The following HEATR5B variants were observed in gnomAD, a reference collection of about 807,000 sequenced individuals.
HEATR5B encodes HEAT repeat-containing protein 5B.
In HEATR5B, 156 loss-of-function variants were observed where a neutral mutation model predicts 224.1. That is an observed-to-expected ratio of 0.70 (90% CI 0.61 to 0.80). HEATR5B has a LOEUF of 0.80. Among genes scored for constraint, HEATR5B ranks in the 30% least tolerant of loss-of-function variants. HEATR5B has a pLI of 0.00. For missense variants in HEATR5B, 2,323 were observed against 2,535.5 expected, an observed-to-expected ratio of 0.92 and a Z score of 1.80; for synonymous variants, 1,027 against 893.0, an observed-to-expected ratio of 1.15 and a Z score of -2.68.
intron 18 of HEATR5B, among the ~76,000 whole-genome samples, chr2:37,049,274 T>G (rs538054996): frequency 6.6e-6 from 1 of 152,252 alleles, no homozygotes; most frequent in South Asian, 2.1e-4. Context: ...GAATGGCTTA[T>G]TCCAAAAAGT....
intron 21 of HEATR5B, among the ~76,000 whole-genome samples, chr2:37,037,653 T>G (rs1409146256): frequency 6.6e-6 from 1 of 152,172 alleles, no homozygotes; most frequent in Non-Finnish European, 1.5e-5. Context: ...TATGGATTAT[T>G]TATAACACAA....
intron 35 of HEATR5B, among the ~76,000 whole-genome samples, chr2:36,982,889 C>A (rs918656720): frequency 6.6e-6 from 1 of 151,330 alleles, no homozygotes; most frequent in Non-Finnish European, 1.5e-5. Context: ...CACACACACA[C>A]ACACACACAC....
intron 26 of HEATR5B, among the ~76,000 whole-genome samples, chr2:37,017,507 C>T (rs1423050769): frequency 6.7e-6 from 1 of 150,354 alleles, no homozygotes; most frequent in Non-Finnish European, 1.5e-5. Flanking sequence ...CAACATGATG[C>T]AACCCCGTCT....
In HEATR5B at chr2:37,056,472, A is replaced by C. The variant is rs750420588; in HGVS notation, c.2367T>G (p.Gly789=). 1 of 1,610,800 alleles carries C rather than the reference A, an allele frequency of 6.2e-7. No individual in the cohort carries two copies. Among genetic ancestry groups the C allele is most frequent in the Non-Finnish European group, 8.5e-7 (1 of 1,178,844 alleles). ...TATAAGAAACATGAGGAAACACTAC[A>C]CCAAAAAGGGCCACAGAAGCATCAA... is the stretch of plus-strand genomic sequence containing the variant. ...SVIDASVALF[G]VVFPHVSYKH... is the part of the protein sequence containing the mutation. Residue 789 remains glycine (G), a synonymous_variant, in exon 16 of 36, where the codon GGT becomes GGG. Transcript: ENST00000233099.
At chr2:37,016,571 C>T (rs1036498832) in intron 26 of HEATR5B, among the ~76,000 whole-genome samples, 1 of 152,168 alleles carries the variant, frequency 6.6e-6, no homozygotes, top group Non-Finnish European at 1.5e-5. Flanking sequence ...GTATCTGCAA[C>T]AAAATGTATT....
chr2:37,019,733 C>T (rs1668350587), intron 26 of HEATR5B, 76 bp downstream of exon 26: 1 of 1,112,774 alleles, frequency 9.0e-7, no homozygotes, highest in Admixed American at 2.1e-5. Context: ...TTCTCTATTC[C>T]TTTACACAAG....
chr2:37,054,190 C>CTTTTTTTTTTTTTT lies in HEATR5B; in HGVS notation c.2400-584_2400-583insAAAAAAAAAAAAAA, dbSNP rs1242821499. Among the ~76,000 whole-genome samples the CTTTTTTTTTTTTTT allele has an allele frequency of 2.1e-5, 2 of 93,742 alleles. 1 individual carries two copies. The highest frequency in any genetic ancestry group is 9.2e-5 in the African/African-American group (2 of 21,696). 61.5% of individuals were successfully genotyped at this position (93,742 alleles called of 152,430 possible). On this transcript the variant is annotated intron_variant, in intron 16 of 35. Coordinates refer to ENST00000233099, the MANE Select transcript of HEATR5B (RefSeq NM_019024.3). ...TCCATGGCCATCTTAGATGATTTCT[C>CTTTTTTTTTTTTTT]TGTTTTTTTTTTTTTTTTTTTGAGA...
chr2:37,015,397 T>C (rs1668051131), intron 26 of HEATR5B, among the ~76,000 whole-genome samples: 1 of 152,234 alleles, frequency 6.6e-6, no homozygotes, highest in East Asian at 1.9e-4. Context: ...AAGTAATATG[T>C]TAAGTGTCTT....
intron 33 of HEATR5B, among the ~76,000 whole-genome samples, chr2:36,997,068 C>G (rs1666768081): frequency 6.6e-6 from 1 of 152,132 alleles, no homozygotes; most frequent in African/African-American, 2.4e-5. Context: ...TTTCTAAGAA[C>G]TCTTTGTATA....
At position 37,040,405 on chromosome 2, in the gene HEATR5B, A is replaced by C; in HGVS notation, c.2970T>G (p.Pro990=). 6.2e-7 allele frequency: 1 copy of C among 1,614,092 alleles called. No individual in the cohort carries two copies. The highest frequency in any genetic ancestry group is 1.1e-5 in the South Asian group (1 of 91,056). The change falls in exon 20 of 36, where the codon CCT becomes CCG. Residue 990 remains proline (P), a synonymous_variant. Coordinates refer to ENST00000233099, the MANE Select transcript of HEATR5B (RefSeq NM_019024.3). ...AACACTGATGAACTTCTGTATGTGAAGGCGGAACTGTCAACAGCAAGGTAA... is the reference window on the plus strand; with the variant it reads ...AACACTGATGAACTTCTGTATGTGACGGCGGAACTGTCAACAGCAAGGTAA... ...LVLTLLLTVP[P]SHTEVHQCLG...
At chr2:37,025,636 T>A (rs898697441) in intron 24 of HEATR5B, among the ~76,000 whole-genome samples, 1 of 151,164 alleles carries the variant, frequency 6.6e-6, no homozygotes, top group African/African-American at 2.4e-5. Context: ...AGATTACTAA[T>A]GAAGGCAGAA....
At chr2:37,073,537 C>A (rs1672036163) in intron 5 of HEATR5B, among the ~76,000 whole-genome samples, 2 of 151,980 alleles carry the variant, frequency 1.3e-5, no homozygotes, top group Non-Finnish European at 2.9e-5. Flanking sequence ...AGCAACCACG[C>A]CCAGCCTGGA....
chr2:37,043,284 C>G (rs1669990172), intron 18 of HEATR5B, among the ~76,000 whole-genome samples: 1 of 152,164 alleles, frequency 6.6e-6, no homozygotes, highest in Admixed American at 6.5e-5. Flanking sequence ...ACAATCAAAT[C>G]AATAGATACC....
intron 16 of HEATR5B, among the ~76,000 whole-genome samples, chr2:37,053,920 A>C (rs2253629): frequency 0.72 from 108,893 of 151,178 alleles, 39,608 homozygotes; most frequent in South Asian, 0.82. Context: ...GTTTCTTGCA[A>C]AGATAACAAT....
At chr2:37,048,168 A>G (rs1276749719) in intron 18 of HEATR5B, among the ~76,000 whole-genome samples, 1 of 151,930 alleles carries the variant, frequency 6.6e-6, no homozygotes, top group Admixed American at 6.6e-5. Flanking sequence ...ACAGTACCCT[A>G]CAGATATTGA....
chr2:37,051,378 A>AC (rs1670538681), intron 17 of HEATR5B, among the ~76,000 whole-genome samples: 1 of 141,430 alleles, frequency 7.1e-6, no homozygotes, highest in Non-Finnish European at 1.5e-5. Flanking sequence ...AAAAAAAAAA[A>AC]GGTAAAAATA....
At chr2:36,984,179 A>T (rs1665772087) in intron 35 of HEATR5B, among the ~76,000 whole-genome samples, 1 of 132,254 alleles carries the variant, frequency 7.6e-6, no homozygotes, top group Non-Finnish European at 1.6e-5. Context: ...CAGCCTGGGC[A>T]ACAAGAGTGA....
intron 5 of HEATR5B, among the ~76,000 whole-genome samples, chr2:37,074,998 C>A (rs561715069): frequency 6.6e-6 from 1 of 152,318 alleles, no homozygotes; most frequent in Non-Finnish European, 1.5e-5. Flanking sequence ...CTTTGGAAAA[C>A]AGTTTTGTAC....
At chr2:37,017,865 A>C (rs1452422885) in intron 26 of HEATR5B, among the ~76,000 whole-genome samples, 3 of 152,192 alleles carry the variant, frequency 2.0e-5, no homozygotes, top group Non-Finnish European at 4.4e-5. Flanking sequence ...TTTTATGCTG[A>C]AATAAAATAT....
Sources: allele counts gnomAD v4.1 joint callset (sites outside exome capture counted in the v4.1 genomes callset), GRCh38; gene constraint gnomAD v4.1.1; transcripts MANE v1.5; gene names NCBI Gene and HGNC (gene_info 2026-07-23, HGNC 2026-07-21).